PIP5K1B: variants seen among roughly 807,000 people sequenced by gnomAD.
The protein encoded by PIP5K1B is phosphatidylinositol-4-phosphate 5-kinase type 1 beta, also known as phosphatidylinositol 4-phosphate 5-kinase type-1 beta.
In PIP5K1B, 42 loss-of-function variants were observed where a neutral mutation model predicts 67.0. That is an observed-to-expected ratio of 0.63 (90% CI 0.49 to 0.81). The LOEUF is 0.81. Among genes scored for constraint, PIP5K1B ranks in the 30% least tolerant of loss-of-function variants. The probability of loss-of-function intolerance (pLI) is 0.00; values close to 1 mark genes in which losing one functional copy is unlikely to be tolerated. For synonymous variants in PIP5K1B, 214 were observed against 231.4 expected (o/e 0.92, Z 0.68); for missense variants, 459 against 646.3 (o/e 0.71, Z 3.14).
intron 8 of PIP5K1B, among the ~76,000 whole-genome samples, chr9:68,906,498 C>A (rs563652047): frequency 6.6e-6 from 1 of 152,274 alleles, no homozygotes; most frequent in Non-Finnish European, 1.5e-5. Context: ...TTCAACTTTT[C>A]ATAAAAAGGA....
chr9:68,997,245 G>T (rs894248123), intron 15 of PIP5K1B, among the ~76,000 whole-genome samples: 2 of 152,204 alleles, frequency 1.3e-5, no homozygotes, highest in African/African-American at 4.8e-5. Context: ...GGTCACAGGG[G>T]TCTTAGAAAA....
chr9:68,853,613 G>A (rs544047215), intron 4 of PIP5K1B, among the ~76,000 whole-genome samples: 1 of 152,186 alleles, frequency 6.6e-6, no homozygotes, highest in African/African-American at 2.4e-5. Flanking sequence ...ACCAAAAAAG[G>A]CTCCTTGGGG....
chr9:68,788,396 C>A, intron 2 of PIP5K1B: 2 of 756,418 alleles, frequency 2.6e-6, no homozygotes, highest in Non-Finnish European at 4.3e-6. Flanking sequence ...TCCAGATGAC[C>A]CTAAGTCCAG....
chr9:68,924,965 G>T (rs1018855568), intron 12 of PIP5K1B, among the ~76,000 whole-genome samples: 4 of 152,118 alleles, frequency 2.6e-5, no homozygotes, highest in African/African-American at 9.7e-5. Flanking sequence ...ACGTTAAAAT[G>T]ATAGCATAAT....
At chr9:68,785,753 GGGTGGCTGT>G (rs1831575892) in intron 2 of PIP5K1B, among the ~76,000 whole-genome samples, 1 of 152,184 alleles carries the variant, frequency 6.6e-6, no homozygotes, top group Non-Finnish European at 1.5e-5. Flanking sequence ...CAGTGGAGCA[GGGTGGCTGT>G]GGTGAGGATT....
chr9:69,005,311 C>T (rs1831027763), intron 15 of PIP5K1B, among the ~76,000 whole-genome samples: 2 of 152,068 alleles, frequency 1.3e-5, no homozygotes, highest in Admixed American at 1.3e-4. Flanking sequence ...CTTTTCAGAT[C>T]GTTCCCGTTG....
intron 2 of PIP5K1B, among the ~76,000 whole-genome samples, chr9:68,791,522 G>A (rs1191076473): frequency 6.6e-6 from 1 of 152,150 alleles, no homozygotes; most frequent in African/African-American, 2.4e-5. Flanking sequence ...GAATCAGGAT[G>A]TGTTTAAGAA....
At chr9:68,905,867 C>T (rs528437962) in intron 8 of PIP5K1B, among the ~76,000 whole-genome samples, 16 of 152,166 alleles carry the variant, frequency 1.1e-4, no homozygotes, top group Non-Finnish European at 8.8e-5. Flanking sequence ...GAAAAGATCA[C>T]CCCATACTGG....
intron 2 of PIP5K1B, among the ~76,000 whole-genome samples, chr9:68,760,620 C>A (rs1478421054): frequency 6.6e-6 from 1 of 152,086 alleles, no homozygotes; most frequent in Non-Finnish European, 1.5e-5. Flanking sequence ...TGGACTCTTC[C>A]TCTAAGTTGT....
intron 1 of PIP5K1B, among the ~76,000 whole-genome samples, chr9:68,731,122 A>C (rs962638438): frequency 2.6e-5 from 4 of 152,220 alleles, no homozygotes; most frequent in African/African-American, 9.6e-5. Context: ...TTCAAGGGTC[A>C]TGTGTTATGG....
At chr9:68,979,435 T>C (rs1829785307) in intron 14 of PIP5K1B, among the ~76,000 whole-genome samples, 1 of 131,136 alleles carries the variant, frequency 7.6e-6, no homozygotes, top group Non-Finnish European at 1.7e-5. Context: ...GGGTATGATA[T>C]TGGAAAGAAA....
At chr9:68,795,882 C>G (rs1289568419) in intron 2 of PIP5K1B, among the ~76,000 whole-genome samples, 1 of 152,108 alleles carries the variant, frequency 6.6e-6, no homozygotes, top group Non-Finnish European at 1.5e-5. Flanking sequence ...ATGACATTTA[C>G]TTTTGAGCAA....
intron 4 of PIP5K1B, among the ~76,000 whole-genome samples, chr9:68,848,256 G>T (rs973747580): frequency 1.1e-4 from 17 of 152,138 alleles, no homozygotes; most frequent in Admixed American, 1.1e-3. Flanking sequence ...GGCAAGAAAG[G>T]TACTACCGTA....
At chr9:68,795,748 C>T (rs964917741) in intron 2 of PIP5K1B, among the ~76,000 whole-genome samples, 2 of 152,078 alleles carry the variant, frequency 1.3e-5, no homozygotes. Context: ...TTTAGTTTTC[C>T]TAACATTCAT....
chr9:68,963,826 A>G (rs948331640), intron 14 of PIP5K1B, among the ~76,000 whole-genome samples: 2 of 152,174 alleles, frequency 1.3e-5, no homozygotes, highest in African/African-American at 4.8e-5. Flanking sequence ...GGTGGTCAGT[A>G]TTGGGTGGTG....
intron 6 of PIP5K1B, among the ~76,000 whole-genome samples, chr9:68,878,013 C>CTGTG (rs35871698): frequency 0.15 from 21,693 of 141,924 alleles, 1,713 homozygotes; most frequent in Non-Finnish European, 0.18. Flanking sequence ...CGCATTTGTT[C>CTGTG]TGTGTGTGTG....
intron 14 of PIP5K1B, among the ~76,000 whole-genome samples, chr9:68,980,569 G>C (rs1829845337): frequency 6.6e-6 from 1 of 152,190 alleles, no homozygotes; most frequent in South Asian, 2.1e-4. Flanking sequence ...TTATCCCAAA[G>C]AGCTTTACCC....
intron 8 of PIP5K1B, among the ~76,000 whole-genome samples, chr9:68,903,843 A>G (rs927800219): frequency 1.3e-5 from 2 of 152,258 alleles, no homozygotes; most frequent in African/African-American, 4.8e-5. Context: ...AAAGTAACTT[A>G]ACATGTAAAA....
intron 1 of PIP5K1B, among the ~76,000 whole-genome samples, chr9:68,742,072 G>C (rs1191834184): frequency 6.6e-6 from 1 of 152,164 alleles, no homozygotes; most frequent in Non-Finnish European, 1.5e-5. Context: ...CTTGCATGTG[G>C]TTTCAATGAC....
Sources: gnomAD v4.1 joint callset for allele counts (sites outside exome capture counted in the v4.1 genomes callset) on GRCh38, gnomAD v4.1.1 for gene constraint, MANE v1.5 for transcripts, NCBI Gene and HGNC (gene_info 2026-07-23, HGNC 2026-07-21) for gene names.